Variants in ESPN observed in about 807,000 individuals in gnomAD.
The protein encoded by ESPN is autosomal recessive deafness type 36 protein.
Under a neutral mutation model 77.7 loss-of-function variants are expected in ESPN, and 68 were observed. That is an observed-to-expected ratio of 0.87 (90% CI 0.72 to 1.07). The LOEUF is 1.07. Ranked by LOEUF, ESPN falls within the 50% of genes least tolerant of loss-of-function variation. The pLI is 0.00. For synonymous variants in ESPN, 449 were observed against 567.1 expected (o/e 0.79, Z 2.96); for missense variants, 1,060 against 1,239.0 (o/e 0.86, Z 2.17).
In ESPN at chr1:6,460,135, G is replaced by A. The variant is rs777276108; in HGVS notation, c.2554G>A (p.Ala852Thr). The A allele has an allele frequency of 3.1e-6, 5 of 1,612,262 alleles. No individual in the cohort carries two copies. The South Asian group carries it at 3.3e-5, about 11-fold the overall frequency. ...RQVILKKGDI[A>T]KY The stretch of plus-strand genomic sequence containing the variant: ...GGTCATCCTGAAGAAGGGGGACATC[G>A]CTAAGTACTAGAGGCCGCAGACTCC... The change falls in exon 13 of 13, where the codon GCT (alanine) becomes ACT (threonine). Residue 852 changes from alanine to threonine, a missense_variant. Physicochemically the swap from Ala to Thr is moderately conservative, Grantham distance 58. Around this residue, in one of 3 missense-constraint regions of ESPN, gnomAD observed 374 missense variants for 381.4 expected, o/e 0.98. Coordinates refer to ENST00000645284, the MANE Select transcript of ESPN (RefSeq NM_031475.3).
At chr1:6,459,059 G>A (rs1644106334) in intron 12 of ESPN, among the ~76,000 whole-genome samples, 1 of 151,960 alleles carries the variant, frequency 6.6e-6, no homozygotes, top group African/African-American at 2.4e-5. Flanking sequence ...TGACCAACAT[G>A]GTGAAACCCC....
chr1:6,448,534 A>G, intron 7 of ESPN, 107 bp from the exon 8 acceptor site: 2 of 1,007,560 alleles, frequency 2.0e-6, no homozygotes, highest in Non-Finnish European at 2.8e-6. Flanking sequence ...GCACCCCTCG[A>G]CGGCCGCTGG....
intron 10 of ESPN, among the ~76,000 whole-genome samples, chr1:6,452,297 C>T (rs1306812628): frequency 2.0e-5 from 3 of 151,930 alleles, no homozygotes; most frequent in African/African-American, 7.3e-5. Context: ...CTTCGCCTCC[C>T]AGGTTCAAAT....
intron 10 of ESPN, chr1:6,456,233 C>G: frequency 2.5e-6 from 1 of 395,222 alleles, no homozygotes; most frequent in African/African-American, 2.1e-5. Flanking sequence ...CACCCTCGAG[C>G]GTCTTAACGT....
intron 7 of ESPN, among the ~76,000 whole-genome samples, chr1:6,446,506 G>A (rs1053998399): frequency 6.6e-6 from 1 of 152,164 alleles, no homozygotes; most frequent in African/African-American, 2.4e-5. Context: ...CCTGAGCTGG[G>A]AGCCCTGGAA....
At chr1:6,449,728 C>G (rs1433226413) in intron 8 of ESPN, among the ~76,000 whole-genome samples, 1 of 152,206 alleles carries the variant, frequency 6.6e-6, no homozygotes, top group Non-Finnish European at 1.5e-5. Context: ...TCCCCGGTGA[C>G]TTCCCTAGGC....
rs1270429933 is a variant in ESPN, at chr1:6,427,030, CTT to C, written c.295-1193_295-1192del. Among the ~76,000 whole-genome samples the C allele has an allele frequency of 6.6e-6, 1 of 152,080 alleles. No homozygotes were observed. Among genetic ancestry groups the C allele is most frequent in the Non-Finnish European group, 1.5e-5 (1 of 68,014 alleles). On this transcript the variant is annotated intron_variant, in intron 1 of 12. Transcript: ENST00000645284. The surrounding 1 kb of genome is among the most constrained non-coding windows in gnomAD (Gnocchi z 4.6). ...GCGCCCCCAGCTCCCTCCGTGCCCTCTTTTCCTTGCATTTCTCACGGGAGCCT... is the reference window on the plus strand; with the variant it reads ...GCGCCCCCAGCTCCCTCCGTGCCCTCTTCCTTGCATTTCTCACGGGAGCCT...
intron 2 of ESPN, among the ~76,000 whole-genome samples, chr1:6,436,479 TTTC>T (rs1643440877): frequency 8.0e-6 from 1 of 124,674 alleles, no homozygotes. Context: ...ATGGGAATTT[TTTC>T]TTATTTATTT....
chr1:6,457,454 G>T (rs2148548658), intron 12 of ESPN, 82 bp downstream of exon 12: 1 of 1,547,564 alleles, frequency 6.5e-7, no homozygotes, highest in South Asian at 1.1e-5. Flanking sequence ...AGGCCAATTT[G>T]AGTACATCCT....
intron 2 of ESPN, among the ~76,000 whole-genome samples, chr1:6,435,858 A>C (rs1456812785): frequency 1.3e-5 from 2 of 152,236 alleles, no homozygotes; most frequent in Non-Finnish European, 2.9e-5. Flanking sequence ...GCCTGTGCTC[A>C]GGGCTCTGCC....
At chr1:6,438,208 C>T (rs1378644964) in intron 2 of ESPN, among the ~76,000 whole-genome samples, 1 of 152,196 alleles carries the variant, frequency 6.6e-6, no homozygotes, top group African/African-American at 2.4e-5. Context: ...CACCTAGTGT[C>T]CTTCGGTGGT....
Position 6,460,252 on chromosome 1 carries a change from C to G in ESPN, c.*106C>G, listed in dbSNP as rs3138158. The G allele has an allele frequency of 7.0e-7, 1 of 1,432,488 alleles. No homozygotes were observed. 88.7% of individuals were successfully genotyped at this position (1,432,488 alleles called of 1,614,324 possible). On this transcript the variant is annotated 3_prime_UTR_variant, in exon 13 of 13. Coordinates refer to ENST00000645284, the MANE Select transcript of ESPN (RefSeq NM_031475.3). ...AGGCTGGGAGCCGCACAGCCCTCCC[C>G]TCCTGCGCTGGAAACCCTCCCTGAC...
At chr1:6,444,251 CA>C (rs1643746077) in intron 5 of ESPN, among the ~76,000 whole-genome samples, 1 of 152,168 alleles carries the variant, frequency 6.6e-6, no homozygotes, top group Admixed American at 6.5e-5. Context: ...AGGGAGGAGC[CA>C]GGGGAGGGAG....
rs760798273 is a variant in ESPN, at chr1:6,451,740, G to A, written c.2053G>A (p.Ala685Thr). 99 of 1,612,234 alleles carry A rather than the reference G, an allele frequency of 6.1e-5. No homozygotes were observed. Among genetic ancestry groups the A allele is most frequent in the Non-Finnish European group, 8.0e-5 (94 of 1,179,756 alleles). The change falls in exon 9 of 13, where the codon GCC (alanine) becomes ACC (threonine). Residue 685 changes from alanine to threonine, a missense_variant. Physicochemically the swap from Ala to Thr is moderately conservative, Grantham distance 58. This residue lies in a region of ESPN where 374 missense variants were observed against 381.4 expected (regional missense o/e 0.98). Transcript: ENST00000645284. This position sits in a 1 kb window ranked among gnomAD's most constrained non-coding sequence, Gnocchi z 4.3. Reference sequence around the variant, plus strand: ...AGTGTTCTCAGGCATCGGGCAGCCGGCCTTCCAGGTAGGCGGGCCCAGCAG... The same window carrying A: ...AGTGTTCTCAGGCATCGGGCAGCCGACCTTCCAGGTAGGCGGGCCCAGCAG... ...TTVFSGIGQP[A>T]FQPDSPLPSV...
chr1:6,450,429 CCTCTT>C lies in ESPN; in HGVS notation c.1916-1173_1916-1169del. Reference sequence around the variant, plus strand: ...CTCCTAACTCCGCTGTCACTTCTCTCCTCTTGGTCCCTAGAAGTGAGAGTCCTGAG... The same window carrying C: ...CTCCTAACTCCGCTGTCACTTCTCTCGGTCCCTAGAAGTGAGAGTCCTGAG... On this transcript the variant is annotated intron_variant, in intron 8 of 12. Coordinates refer to ENST00000645284, the MANE Select transcript of ESPN (RefSeq NM_031475.3). This position sits in a 1 kb window ranked among gnomAD's most constrained non-coding sequence, Gnocchi z 4.3. 1.0e-6 allele frequency: 1 copy of C among 968,798 alleles called. No individual in the cohort carries two copies. Among genetic ancestry groups the C allele is most frequent in the Non-Finnish European group, 1.2e-6 (1 of 814,410 alleles). 60.0% of individuals were successfully genotyped at this position (968,798 alleles called of 1,614,324 possible).
intron 10 of ESPN, among the ~76,000 whole-genome samples, chr1:6,453,239 G>T (rs1389732480): frequency 6.6e-6 from 1 of 152,262 alleles, no homozygotes; most frequent in Admixed American, 6.5e-5. Flanking sequence ...AGCCTCTGGA[G>T]ATTCATGGTG....
At chr1:6,456,352 C>G (rs1365709276) in intron 10 of ESPN, 1 of 385,958 alleles carries the variant, frequency 2.6e-6, no homozygotes, top group Non-Finnish European at 4.6e-6. Context: ...GCCTCAGCCT[C>G]TGAGGTCCCA....
In ESPN at chr1:6,447,644, T is replaced by C. The variant is rs1360026248; in HGVS notation, c.1465-997T>C. 2.6e-5 allele frequency among the ~76,000 whole-genome samples: 4 copies of C among 152,160 alleles called. No homozygotes were observed. The highest frequency in any genetic ancestry group is 4.4e-5 in the Non-Finnish European group (3 of 68,014). On this transcript the variant is annotated intron_variant, in intron 7 of 12. Transcript: ENST00000645284. The surrounding 1 kb of genome is among the most constrained non-coding windows in gnomAD (Gnocchi z 5.2). ...GCCACGCTGTCACCCGACCCCGCCT[T>C]ACGGCCCCTGAAATCCGAGGCTTGA...
intron 2 of ESPN, among the ~76,000 whole-genome samples, chr1:6,435,818 G>A (rs745534071): frequency 9.2e-5 from 14 of 152,232 alleles, no homozygotes; most frequent in Non-Finnish European, 1.8e-4. Context: ...GGATCCTAAA[G>A]TTCAGCAATG....
Sources: gnomAD v4.1 joint callset for allele counts (sites outside exome capture counted in the v4.1 genomes callset) on GRCh38, gnomAD v4.1.1 for gene constraint, gnomAD v4.1.1 regional missense constraint, Gnocchi (gnomAD v3.1) non-coding constraint, MANE v1.5 for transcripts, NCBI Gene and HGNC (gene_info 2026-07-23, HGNC 2026-07-21) for gene names.